The following RBCK1 variants were observed in gnomAD, a reference collection of about 807,000 sequenced individuals.
The protein encoded by RBCK1 is RANBP2-type and C3HC4-type zinc finger containing 1, also known as ranBP-type and C3HC4-type zinc finger-containing protein 1.
A neutral mutation model predicts 71.1 loss-of-function variants in RBCK1; 44 were observed. The ratio of observed to expected loss-of-function variants is 0.62; its 90% CI spans 0.49 to 0.80. The LOEUF (loss-of-function observed/expected upper bound fraction) is 0.80. Among genes scored for constraint, RBCK1 ranks in the 30% least tolerant of loss-of-function variants. The pLI is 0.00. For missense variants in RBCK1, 569 were observed against 685.0 expected (o/e 0.83, Z 1.89); for synonymous variants, 306 against 279.7 (o/e 1.09, Z -0.94).
At chr20:410,112 C>G in intron 2 of RBCK1, 87 bp downstream of exon 2, 4 of 1,454,996 alleles carry the variant, frequency 2.7e-6, no homozygotes, top group African/African-American at 1.4e-5. Context: ...ATGGCACGTT[C>G]TGGCTTCAGG....
chr20:410,008 C>G lies in RBCK1; in HGVS notation c.150C>G (p.Ser50=). ...GTGTGCAACTGAAGCCTGAGGTCTC[C>G]CCAACGCAGGACATCAGGTGAGGAG... ...PLSVQLKPEV[S]PTQDIRLWVS... The change falls in exon 2 of 12, where the codon TCC becomes TCG. Residue 50 remains serine (S), a synonymous_variant. Transcript: ENST00000356286. The G allele has an allele frequency of 6.2e-7, 1 of 1,613,952 alleles. No individual in the cohort carries two copies.
rs1392827454 is a variant in RBCK1 at position 422,521 on chromosome 20, A to G, written c.1029+283A>G. 6.6e-6 allele frequency among the ~76,000 whole-genome samples: 1 copy of G among 152,042 alleles called. No individual in the cohort carries two copies. The highest frequency in any genetic ancestry group is 2.4e-5 in the African/African-American group (1 of 41,372). ...GAAACCACATCTATGAAGGAAGGAC[A>G]GCAGAGTTGTTAAGAATCAGGGACT... is the stretch of plus-strand genomic sequence containing the variant. On this transcript the variant is annotated intron_variant, in intron 8 of 11. Coordinates refer to ENST00000356286, the MANE Select transcript of RBCK1 (RefSeq NM_031229.4). The surrounding 1 kb of genome is among the most constrained non-coding windows in gnomAD (Gnocchi z 5.0).
chr20:422,027 T>C lies in RBCK1; in HGVS notation c.918-100T>C. 3 of 848,758 alleles carry C rather than the reference T, an allele frequency of 3.5e-6. No homozygotes were observed. Among genetic ancestry groups the C allele is most frequent in the Non-Finnish European group, 5.6e-6 (3 of 531,696 alleles). 52.6% of individuals were successfully genotyped at this position (848,758 alleles called of 1,614,324 possible). On this transcript the variant is annotated intron_variant, in intron 7 of 11. Transcript: ENST00000356286. This position sits in a 1 kb window ranked among gnomAD's most constrained non-coding sequence, Gnocchi z 5.0. ...TGAGGAGAAGTCCACCTGGGGTGACTGAGTGAGGCCCCTGGGGTCAGGCCT... is the reference window on the plus strand; with the variant it reads ...TGAGGAGAAGTCCACCTGGGGTGACCGAGTGAGGCCCCTGGGGTCAGGCCT...
Position 428,558 on chromosome 20 carries a change from T to C in RBCK1, c.1277T>C (p.Val426Ala). 2.5e-6 allele frequency: 4 copies of C among 1,612,478 alleles called. No individual in the cohort carries two copies. Among genetic ancestry groups the C allele is most frequent in the Non-Finnish European group, 3.4e-6 (4 of 1,179,460 alleles). ...EDLALRAQND[V>A]AARQTTEMLK... The stretch of plus-strand genomic sequence containing the variant: ...CTGGCCCTGCGGGCTCAGAACGATG[T>C]GGCTGCCCGGCAGACGACAGAGATG... Residue 426 changes from valine (V) to alanine (A), a missense_variant, in exon 10 of 12, where the codon GTG becomes GCG. Val to Ala is a moderately conservative substitution (Grantham distance 64). Coordinates refer to ENST00000356286, the MANE Select transcript of RBCK1 (RefSeq NM_031229.4). This position sits in a 1 kb window ranked among gnomAD's most constrained non-coding sequence, Gnocchi z 5.7.
At position 419,703 on chromosome 20, in the gene RBCK1, A is replaced by AGGAGGAGGCGCT; in HGVS notation, c.730_741dup (p.Glu244_Leu247dup). 6.4e-7 allele frequency: 1 copy of AGGAGGAGGCGCT among 1,569,218 alleles called. No homozygotes were observed. Among genetic ancestry groups the AGGAGGAGGCGCT allele is most frequent in the Non-Finnish European group, 8.6e-7 (1 of 1,160,992 alleles). On this transcript the variant is annotated inframe_insertion, in exon 6 of 12. Coordinates refer to ENST00000356286, the MANE Select transcript of RBCK1 (RefSeq NM_031229.4). ...GAGGAGCGAGCGCGCCTGGCGGGCGAGGAGGAGGCGCTGCGTCAGTACCAG... is the reference window on the plus strand; with the variant it reads ...GAGGAGCGAGCGCGCCTGGCGGGCGAGGAGGAGGCGCTGGAGGAGGCGCTGCGTCAGTACCAG...
chr20:419,733 T>A lies in RBCK1; in HGVS notation c.756+2T>A. Reference sequence around the variant, plus strand: ...GAGGCGCTGCGTCAGTACCAGCAGGTGGGCGGGAAAGTCCCTGGACAGACA... The same window carrying A: ...GAGGCGCTGCGTCAGTACCAGCAGGAGGGCGGGAAAGTCCCTGGACAGACA... On this transcript the variant is annotated splice_donor_variant, in intron 6 of 11. Transcript: ENST00000356286. LOFTEE classifies it high-confidence loss of function. 6.4e-7 allele frequency: 1 copy of A among 1,552,430 alleles called. No homozygotes were observed. Among genetic ancestry groups the A allele is most frequent in the Non-Finnish European group, 8.7e-7 (1 of 1,152,664 alleles).
intron 1 of RBCK1, 146 bp downstream of exon 1, chr20:408,925 G>C (rs574107194): frequency 3.0e-6 from 3 of 1,008,406 alleles, no homozygotes; most frequent in Admixed American, 5.7e-5. Flanking sequence ...TTCCTCCTTT[G>C]GTACCTGCTG....
At chr20:427,997 A>T (rs1471431097) in intron 9 of RBCK1, among the ~76,000 whole-genome samples, 3 of 152,024 alleles carry the variant, frequency 2.0e-5, no homozygotes, top group Admixed American at 2.0e-4. Context: ...CCCCAAACCT[A>T]GACAGCCCTA....
chr20:418,696 T>C (rs2016177385), intron 4 of RBCK1, among the ~76,000 whole-genome samples: 1 of 152,230 alleles, frequency 6.6e-6, no homozygotes, highest in Middle Eastern at 3.2e-3. Flanking sequence ...TCATTCTCTT[T>C]CTATATAAAA....
At chr20:416,241 C>T (rs545702012) in intron 2 of RBCK1, among the ~76,000 whole-genome samples, 4 of 151,326 alleles carry the variant, frequency 2.6e-5, no homozygotes, top group Admixed American at 1.3e-4. Flanking sequence ...CTGCACGGTC[C>T]GCCTCCCGGG....
chr20:416,825 T>TG (rs1275145219), intron 2 of RBCK1, among the ~76,000 whole-genome samples: 1 of 152,190 alleles, frequency 6.6e-6, no homozygotes, highest in East Asian at 1.9e-4. Context: ...AGTGAGACCC[T>TG]GTCTCTACAA....
chr20:415,107 G>A (rs529473960), intron 2 of RBCK1, among the ~76,000 whole-genome samples: 6 of 152,310 alleles, frequency 3.9e-5, no homozygotes, highest in Admixed American at 2.6e-4. Context: ...GGGGCACGAT[G>A]GATGATGCTT....
In RBCK1 at chr20:422,313, T is replaced by C; in HGVS notation, c.1029+75T>C. The C allele has an allele frequency of 8.7e-7, 1 of 1,148,082 alleles. No individual in the cohort carries two copies. The highest frequency in any genetic ancestry group is 1.3e-6 in the Non-Finnish European group (1 of 785,522). The allele number at this position is 1,148,082 out of a possible 1,614,324, so 71.1% of individuals were successfully genotyped here. On this transcript the variant is annotated intron_variant, in intron 8 of 11. Transcript: ENST00000356286. This position sits in a 1 kb window ranked among gnomAD's most constrained non-coding sequence, Gnocchi z 5.0. ...CTGGGCCCTGAGCAGGCAGCAGACA[T>C]CTTTCTTTTCTTTCTTTTTTTTTTT...
Position 428,770 on chromosome 20 carries a change from G to C in RBCK1, c.1308+181G>C. The C allele has an allele frequency of 7.1e-7, 1 of 1,417,204 alleles. No homozygotes were observed. The highest frequency in any genetic ancestry group is 9.3e-7 in the Non-Finnish European group (1 of 1,079,152). The allele number at this position is 1,417,204 out of a possible 1,614,324, so 87.8% of individuals were successfully genotyped here. A position where few individuals can be genotyped will look rare whatever the true frequency, so the allele number is the denominator to read the frequency against. On this transcript the variant is annotated intron_variant, in intron 10 of 11. Transcript: ENST00000356286. The surrounding 1 kb of genome is among the most constrained non-coding windows in gnomAD (Gnocchi z 5.7). ...ATGGTCATGTCAGGAAGAGCGTCTGGGTGGAGGGTGGAGACCACAGGAATG... is the reference window on the plus strand; with the variant it reads ...ATGGTCATGTCAGGAAGAGCGTCTGCGTGGAGGGTGGAGACCACAGGAATG...
rs1245473256 is a variant in RBCK1, at chr20:422,343, G to A, written c.1029+105G>A. The A allele has an allele frequency of 1.1e-6, 1 of 892,522 alleles. No homozygotes were observed. Among genetic ancestry groups the A allele is most frequent in the African/African-American group, 1.7e-5 (1 of 59,216 alleles). The allele number at this position is 892,522 out of a possible 1,614,324, so 55.3% of individuals were successfully genotyped here. A position where few individuals can be genotyped will look rare whatever the true frequency, so the allele number is the denominator to read the frequency against. On this transcript the variant is annotated intron_variant, in intron 8 of 11. Coordinates refer to ENST00000356286, the MANE Select transcript of RBCK1 (RefSeq NM_031229.4). The surrounding 1 kb of genome is among the most constrained non-coding windows in gnomAD (Gnocchi z 5.0). ...CTTTTCTTTCTTTTTTTTTTTTGGAGATGGGGTCTCACTATGTTGTCCAAG... is the reference window on the plus strand; with the variant it reads ...CTTTTCTTTCTTTTTTTTTTTTGGAAATGGGGTCTCACTATGTTGTCCAAG...
intron 2 of RBCK1, among the ~76,000 whole-genome samples, chr20:413,895 A>T (rs1444595213): frequency 6.7e-6 from 1 of 150,284 alleles, no homozygotes. Context: ...TGATTGCTTT[A>T]AAAAGATAAG....
chr20:408,879 T>A, intron 1 of RBCK1, 100 bp downstream of exon 1: 1 of 1,377,844 alleles, frequency 7.3e-7, no homozygotes, highest in Non-Finnish European at 1.0e-6. Context: ...AGAGGGGGCT[T>A]TAGCCTGCCC....
At position 417,919 on chromosome 20, in the gene RBCK1, G is replaced by A. The variant is rs748158080; in HGVS notation, c.449G>A (p.Arg150Gln). The change falls in exon 4 of 12, where the codon CGG (arginine) becomes CAG (glutamine). Residue 150 changes from arginine to glutamine, a missense_variant. Physicochemically the swap from Arg to Gln is conservative, Grantham distance 43. This residue lies in a region of RBCK1 where 358 missense variants were observed against 375.6 expected (regional missense o/e 0.95). Coordinates refer to ENST00000356286, the MANE Select transcript of RBCK1 (RefSeq NM_031229.4). The surrounding 1 kb of genome is among the most constrained non-coding windows in gnomAD (Gnocchi z 4.7). ...PQELQRERQLRMLEDLGFKDL... is the reference protein window; with the variant it reads ...PQELQRERQLQMLEDLGFKDL... ...GAGCTGCAGCGGGAGCGGCAGCTGC[G>A]GATGCTGGAAGGTGAGGCTCTGCCC... 2.0e-5 allele frequency: 32 copies of A among 1,606,954 alleles called. No homozygotes were observed. Among genetic ancestry groups the A allele is most frequent in the Non-Finnish European group, 2.3e-5 (27 of 1,179,808 alleles).
Position 416,976 on chromosome 20 carries a change from G to A in RBCK1, c.168-550G>A, listed in dbSNP as rs2016025979. Among the ~76,000 whole-genome samples the A allele has an allele frequency of 2.0e-5, 3 of 152,340 alleles. No individual in the cohort carries two copies. The South Asian group carries it at 6.2e-4, about 32-fold the overall frequency. ...TGCACTCCAGCCTGGGCCACAGAAA[G>A]AGAGCCTGTGTCTTAAAATTAAATC... On this transcript the variant is annotated intron_variant, in intron 2 of 11. Transcript: ENST00000356286.
Sources: allele counts gnomAD v4.1 joint callset (sites outside exome capture counted in the v4.1 genomes callset), GRCh38; gene constraint gnomAD v4.1.1; regional missense constraint gnomAD v4.1.1; non-coding constraint Gnocchi (gnomAD v3.1); transcripts MANE v1.5; gene names NCBI Gene and HGNC (gene_info 2026-07-23, HGNC 2026-07-21).